The following CNNM2 variants were observed in gnomAD, a reference collection of about 807,000 sequenced individuals.
CNNM2 encodes the protein metal transporter CNNM2.
A neutral mutation model predicts 66.9 loss-of-function variants in CNNM2; 12 were observed. The observed-to-expected ratio is 0.18, with a 90% CI of 0.11 to 0.29. The LOEUF (loss-of-function observed/expected upper bound fraction) is 0.29. CNNM2 is among the 10% of genes least tolerant of loss of function. The probability of loss-of-function intolerance (pLI) is 1.00; values close to 1 mark genes in which losing one functional copy is unlikely to be tolerated. For synonymous variants in CNNM2, 557 were observed against 501.8 expected, an observed-to-expected ratio of 1.11 and a Z score of -1.47; for missense variants, 705 against 1,167.7, an observed-to-expected ratio of 0.60 and a Z score of 5.77.
Position 103,089,018 on chromosome 10 carries a change from T to C in CNNM2, c.*11838T>C, listed in dbSNP as rs1277084440. 2 of 213,146 alleles carry C rather than the reference T, an allele frequency of 9.4e-6. No homozygotes were observed. The highest frequency in any genetic ancestry group is 1.9e-5 in the Non-Finnish European group (2 of 105,424). The allele number at this position is 213,146 out of a possible 1,614,324, so 13.2% of individuals were successfully genotyped here. On this transcript the variant is annotated 3_prime_UTR_variant, in exon 8 of 8. Coordinates refer to ENST00000369878, the MANE Select transcript of CNNM2 (RefSeq NM_017649.5). ...GGATAACAAATAAGCATTTGTGCTA[T>C]TAAACAAACAAAAGGTAATAAGGAT...
chr10:103,043,927 A>C (rs7080510), intron 1 of CNNM2, among the ~76,000 whole-genome samples: 146 of 152,332 alleles, frequency 9.6e-4, no homozygotes, highest in African/African-American at 3.2e-3. Context: ...TTTAAATACC[A>C]GAACAGTTCA....
intron 1 of CNNM2, among the ~76,000 whole-genome samples, chr10:102,972,643 A>T (rs539152119): frequency 6.6e-6 from 1 of 152,166 alleles, no homozygotes; most frequent in Non-Finnish European, 1.5e-5. Context: ...CAAAATAAAA[A>T]AAGCTCCCTG....
chr10:103,000,601 G>A (rs893964698), intron 1 of CNNM2, among the ~76,000 whole-genome samples: 20 of 151,904 alleles, frequency 1.3e-4, no homozygotes, highest in African/African-American at 3.9e-4. Flanking sequence ...TTACAGGTGC[G>A]TGCCACCACA....
chr10:102,952,899 T>TA (rs1450101096), intron 1 of CNNM2, among the ~76,000 whole-genome samples: 4 of 152,212 alleles, frequency 2.6e-5, no homozygotes, highest in African/African-American at 9.7e-5. Context: ...GGTGTGCTAA[T>TA]AAGGTTGGTA....
chr10:103,016,516 A>C (rs1054620481), intron 1 of CNNM2, among the ~76,000 whole-genome samples: 1 of 152,148 alleles, frequency 6.6e-6, no homozygotes, highest in Non-Finnish European at 1.5e-5. Context: ...GACAAGCCTT[A>C]CATCTACCCC....
Position 102,927,471 on chromosome 10 carries a change from G to A in CNNM2, c.1621+7370G>A. The stretch of plus-strand genomic sequence containing the variant: ...TCTATACAGAGGGATAAAAAGGGGT[G>A]GCAGTTGGCTGGGCGTGGTGGCTCA... On this transcript the variant is annotated intron_variant, in intron 1 of 7. Coordinates refer to ENST00000369878, the MANE Select transcript of CNNM2 (RefSeq NM_017649.5). 5.0e-6 allele frequency: 8 copies of A among 1,599,236 alleles called. No individual in the cohort carries two copies. In the African/African-American group the frequency reaches 5.3e-5, roughly 11 times the overall value.
chr10:102,993,911 G>A (rs544649890), intron 1 of CNNM2, among the ~76,000 whole-genome samples: 1 of 152,158 alleles, frequency 6.6e-6, no homozygotes, highest in East Asian at 1.9e-4. Flanking sequence ...CCCTTTGGAG[G>A]TTCTGGCTTT....
In CNNM2 at chr10:103,077,138, C is replaced by G; in HGVS notation, c.2586C>G (p.His862Gln). ...TCAACGAACAGAACTGTGTGACGCA[C>G]AGTAAGGCCAACCACAGCCTGCACA... is the stretch of plus-strand genomic sequence containing the variant. ...NLLNEQNCVT[H>Q]SKANHSLHNE... Residue 862 changes from histidine (H) to glutamine (Q), a missense_variant, in exon 8 of 8, where the codon CAC (histidine) becomes CAG (glutamine). Transcript: ENST00000369878. 4 of 1,613,844 alleles carry G rather than the reference C, an allele frequency of 2.5e-6. No individual in the cohort carries two copies. Among genetic ancestry groups the G allele is most frequent in the Middle Eastern group, 3.4e-4 (2 of 5,962 alleles).
chr10:102,939,131 G>T (rs1846340741), intron 1 of CNNM2, among the ~76,000 whole-genome samples: 1 of 152,174 alleles, frequency 6.6e-6, no homozygotes, highest in Non-Finnish European at 1.5e-5. Context: ...CAGACATGGT[G>T]TAGGTAGGAT....
intron 1 of CNNM2, among the ~76,000 whole-genome samples, chr10:102,974,451 A>G (rs2063592864): frequency 6.6e-6 from 1 of 152,236 alleles, no homozygotes; most frequent in African/African-American, 2.4e-5. Context: ...AGTAGCACTT[A>G]AGGACATCTG....
chr10:103,032,569 G>A (rs2064848054), intron 1 of CNNM2, among the ~76,000 whole-genome samples: 1 of 151,302 alleles, frequency 6.6e-6, no homozygotes, highest in Admixed American at 6.6e-5. Flanking sequence ...TATGATTAAT[G>A]CAATTAATTA....
At chr10:103,009,933 T>C (rs987106877) in intron 1 of CNNM2, among the ~76,000 whole-genome samples, 4 of 137,406 alleles carry the variant, frequency 2.9e-5, no homozygotes, top group Admixed American at 1.5e-4. Context: ...TGGAGGAAAT[T>C]TAAGACTTTT....
Position 103,086,215 on chromosome 10 carries a change from A to C in CNNM2, c.*9035A>C, listed in dbSNP as rs764745442. On this transcript the variant is annotated 3_prime_UTR_variant, in exon 8 of 8. Transcript: ENST00000369878. ...CCTCCCAAAAGTTGTGTATCATTTGAAATTGTTCTATTTGAGGAAAAACTT... is the reference window on the plus strand; with the variant it reads ...CCTCCCAAAAGTTGTGTATCATTTGCAATTGTTCTATTTGAGGAAAAACTT... The C allele has an allele frequency of 5.9e-5, 9 of 152,188 alleles. No homozygotes were observed. The highest frequency in any genetic ancestry group is 1.2e-4 in the Non-Finnish European group (8 of 68,030). 9.4% of individuals were successfully genotyped at this position (152,188 alleles called of 1,614,324 possible). A position where few individuals can be genotyped will look rare whatever the true frequency, so the allele number is the denominator to read the frequency against.
At chr10:103,020,241 C>T (rs1029337511) in intron 1 of CNNM2, among the ~76,000 whole-genome samples, 1 of 151,916 alleles carries the variant, frequency 6.6e-6, no homozygotes, top group Non-Finnish European at 1.5e-5. Context: ...CTGCAACCTC[C>T]GCCTCCTGGG....
intron 1 of CNNM2, among the ~76,000 whole-genome samples, chr10:102,993,275 A>G (rs1205082206): frequency 6.6e-6 from 1 of 152,194 alleles, no homozygotes; most frequent in Non-Finnish European, 1.5e-5. Context: ...GTCAGAGTAG[A>G]TTATTGATCT....
chr10:102,933,188 C>T (rs1846122988), intron 1 of CNNM2, among the ~76,000 whole-genome samples: 1 of 152,156 alleles, frequency 6.6e-6, no homozygotes, highest in Non-Finnish European at 1.5e-5. Flanking sequence ...TTGGAATTTA[C>T]ATAGGGGCAT....
At chr10:102,940,821 A>G (rs1441200840) in intron 1 of CNNM2, among the ~76,000 whole-genome samples, 6 of 152,032 alleles carry the variant, frequency 3.9e-5, no homozygotes, top group South Asian at 2.1e-4. Context: ...TCCAGGGTTC[A>G]AGTGATTTTC....
chr10:103,047,961 GC>G (rs1257239556), intron 1 of CNNM2, among the ~76,000 whole-genome samples: 1 of 151,688 alleles, frequency 6.6e-6, no homozygotes, highest in Non-Finnish European at 1.5e-5. Flanking sequence ...CTCACTTGTT[GC>G]CCAGGCTGGA....
intron 1 of CNNM2, among the ~76,000 whole-genome samples, chr10:103,042,031 C>T (rs113424506): frequency 1.5e-4 from 23 of 152,332 alleles, no homozygotes; most frequent in African/African-American, 5.0e-4. Flanking sequence ...GACATTTCTA[C>T]TAGGATGTCA....
Sources: allele counts gnomAD v4.1 joint callset (sites outside exome capture counted in the v4.1 genomes callset), GRCh38; gene constraint gnomAD v4.1.1; transcripts MANE v1.5; gene names NCBI Gene and HGNC (gene_info 2026-07-23, HGNC 2026-07-21).